The following TLN2 variants were observed in gnomAD, a reference collection of about 807,000 sequenced individuals.
TLN2 encodes talin-2.
TLN2 carries 118 observed loss-of-function variants against 294.7 expected under a neutral mutation model. The ratio of observed to expected loss-of-function variants is 0.40; its 90% confidence interval spans 0.34 to 0.47. The LOEUF (loss-of-function observed/expected upper bound fraction) is 0.47. Among genes scored for constraint, TLN2 ranks in the 20% least tolerant of loss-of-function variants. The pLI is 0.84. For missense variants in TLN2, 3,083 were observed against 3,282.2 expected, an observed-to-expected ratio of 0.94 and a Z score of 1.48; for synonymous variants, 1,431 against 1,304.5, an observed-to-expected ratio of 1.10 and a Z score of -2.09.
intron 38 of TLN2, among the ~76,000 whole-genome samples, 158 bp downstream of exon 38, chr15:62,761,979 A>G (rs1449910686): frequency 2.0e-5 from 3 of 152,190 alleles, no homozygotes; most frequent in Admixed American, 6.5e-5. Flanking sequence ...GTGAAACACA[A>G]TGACTACACC....
At chr15:62,756,970 A>T (rs2062305762) in intron 37 of TLN2, among the ~76,000 whole-genome samples, 1 of 152,228 alleles carries the variant, frequency 6.6e-6, no homozygotes, top group African/African-American at 2.4e-5. Flanking sequence ...AAGTTGAATA[A>T]AGCCAGTGTC....
At chr15:62,606,189 T>A (rs145443952) in intron 2 of TLN2, among the ~76,000 whole-genome samples, 3,416 of 151,960 alleles carry the variant, frequency 0.022, 96 homozygotes, top group South Asian at 0.069. Flanking sequence ...TCAAGCAATT[T>A]TCCTGCCTCA....
chr15:62,617,524 A>G (rs906692379), intron 2 of TLN2, among the ~76,000 whole-genome samples: 2 of 152,182 alleles, frequency 1.3e-5, no homozygotes, highest in Non-Finnish European at 2.9e-5. Context: ...AGCGGGGGGT[A>G]CACTGGCCAC....
intron 51 of TLN2, 28 bp from the exon 52 acceptor site, chr15:62,809,897 A>C: frequency 6.8e-6 from 11 of 1,608,888 alleles, no homozygotes; most frequent in Non-Finnish European, 8.5e-6. Context: ...TCCCATGTTA[A>C]GATTTCAGCA....
At chr15:62,772,304 A>G (rs186351988) in intron 42 of TLN2, among the ~76,000 whole-genome samples, 2 of 152,250 alleles carry the variant, frequency 1.3e-5, no homozygotes, top group African/African-American at 4.8e-5. Context: ...TGTACTTGGC[A>G]GTTATTAAGA....
intron 45 of TLN2, among the ~76,000 whole-genome samples, chr15:62,785,488 C>A (rs2064562342): frequency 6.6e-6 from 1 of 151,972 alleles, no homozygotes; most frequent in Non-Finnish European, 1.5e-5. Context: ...CATGGCGTAC[C>A]CCCTTGTCTA....
intron 1 of TLN2, among the ~76,000 whole-genome samples, chr15:62,465,658 A>G (rs17205757): frequency 0.29 from 44,863 of 152,104 alleles, 6,988 homozygotes; most frequent in Middle Eastern, 0.37. Flanking sequence ...CCATGAAACA[A>G]TGGCTTTAAT....
chr15:62,654,671 C>G (rs746518073), intron 7 of TLN2, among the ~76,000 whole-genome samples: 1 of 140,758 alleles, frequency 7.1e-6, no homozygotes, highest in Non-Finnish European at 1.5e-5. Context: ...AGGAGAATCG[C>G]TTGAACCCGG....
chr15:62,705,540 A>G (rs2059006106), intron 19 of TLN2, among the ~76,000 whole-genome samples: 1 of 152,236 alleles, frequency 6.6e-6, no homozygotes, highest in Non-Finnish European at 1.5e-5. Context: ...ATTTCTTTAA[A>G]CAATTCTAAC....
chr15:62,736,553 G>T (rs982828833), intron 28 of TLN2, among the ~76,000 whole-genome samples: 26 of 152,270 alleles, frequency 1.7e-4, no homozygotes, highest in Non-Finnish European at 4.4e-5. Flanking sequence ...GCAAACATGT[G>T]CAGGTAATTC....
At chr15:62,473,248 A>T (rs910909255) in intron 1 of TLN2, among the ~76,000 whole-genome samples, 1 of 152,130 alleles carries the variant, frequency 6.6e-6, no homozygotes, top group Non-Finnish European at 1.5e-5. Flanking sequence ...CCTTCACAGC[A>T]CTGGGCTCAC....
rs146511300 is a variant in TLN2 at position 62,526,980 on chromosome 15, A to G, written c.-237-62707A>G. 3.7e-3 allele frequency among the ~76,000 whole-genome samples: 566 copies of G among 152,278 alleles called. 1 individual carries two copies. Among genetic ancestry groups the G allele is most frequent in the Non-Finnish European group, 5.3e-3 (363 of 68,010 alleles). ...CTATAGTTAGAGTCTGTATGTATAGATGTATATTTACAATATACATACATG... is the reference window on the plus strand; with the variant it reads ...CTATAGTTAGAGTCTGTATGTATAGGTGTATATTTACAATATACATACATG... On this transcript the variant is annotated intron_variant, in intron 1 of 58. Coordinates refer to ENST00000636159, the MANE Select transcript of TLN2 (RefSeq NM_015059.3).
At chr15:62,715,750 C>A (rs1000496712) in intron 22 of TLN2, among the ~76,000 whole-genome samples, 3 of 152,176 alleles carry the variant, frequency 2.0e-5, no homozygotes, top group African/African-American at 7.2e-5. Flanking sequence ...TTATACTAGA[C>A]CTTCCAACTC....
intron 1 of TLN2, among the ~76,000 whole-genome samples, chr15:62,434,817 T>C (rs1009735183): frequency 2.6e-5 from 4 of 152,198 alleles, no homozygotes; most frequent in Non-Finnish European, 5.9e-5. Context: ...ATATGCAGGT[T>C]TGTTACATAG....
chr15:62,827,042 GT>G (rs2141229526), intron 54 of TLN2, among the ~76,000 whole-genome samples: 1 of 147,520 alleles, frequency 6.8e-6, no homozygotes, highest in Non-Finnish European at 1.5e-5. Flanking sequence ...CGACCATTGT[GT>G]TTTTAGCTCT....
chr15:62,456,420 G>A (rs78205844), intron 1 of TLN2, among the ~76,000 whole-genome samples: 1 of 152,298 alleles, frequency 6.6e-6, no homozygotes, highest in South Asian at 2.1e-4. Flanking sequence ...TTAAAATGCA[G>A]GGCTGGACCT....
At chr15:62,536,496 A>G (rs1396905510) in intron 1 of TLN2, among the ~76,000 whole-genome samples, 5 of 152,218 alleles carry the variant, frequency 3.3e-5, no homozygotes, top group African/African-American at 1.2e-4. Context: ...ATTATTGGAG[A>G]TGGTTAAATG....
intron 1 of TLN2, among the ~76,000 whole-genome samples, chr15:62,564,925 A>AAATATATATATATATAT (rs759679956): frequency 2.5e-5 from 2 of 80,626 alleles, no homozygotes; most frequent in African/African-American, 9.5e-5. Context: ...AAAAAAAAAA[A>AAATATATATATATATAT]ATATATATAT....
intron 1 of TLN2, among the ~76,000 whole-genome samples, chr15:62,586,980 A>G (rs554880033): frequency 1.3e-5 from 2 of 152,340 alleles, no homozygotes; most frequent in South Asian, 4.1e-4. Context: ...TTGAGAAGAT[A>G]GATGGAAAAG....
Sources: gnomAD v4.1 joint callset for allele counts (sites outside exome capture counted in the v4.1 genomes callset) on GRCh38, gnomAD v4.1.1 for gene constraint, MANE v1.5 for transcripts, NCBI Gene and HGNC (gene_info 2026-07-23, HGNC 2026-07-21) for gene names.